The following MYO3B variants were observed in gnomAD, a reference collection of about 807,000 sequenced individuals.
The protein encoded by MYO3B is myosin IIIB.
In MYO3B, 156 loss-of-function variants were observed where a neutral mutation model predicts 174.6. The ratio of observed to expected loss-of-function variants is 0.89; its 90% confidence interval spans 0.78 to 1.02. The LOEUF (loss-of-function observed/expected upper bound fraction) is 1.02, where lower values mean the gene tolerates loss of function less well. MYO3B is among the 50% of genes least tolerant of loss of function. The probability of loss-of-function intolerance (pLI) is 0.00; values close to 1 mark genes in which losing one functional copy is unlikely to be tolerated. For synonymous variants in MYO3B, 563 were observed against 569.1 expected (o/e 0.99, Z 0.15); for missense variants, 1,632 against 1,639.4 (o/e 1.00, Z 0.08).
intron 7 of MYO3B, among the ~76,000 whole-genome samples, chr2:170,321,875 G>A (rs1252306232): frequency 6.6e-6 from 1 of 152,096 alleles, no homozygotes; most frequent in Non-Finnish European, 1.5e-5. Context: ...CAGCACTCTG[G>A]GAGGCCGAGG....
intron 8 of MYO3B, among the ~76,000 whole-genome samples, chr2:170,357,282 G>A (rs2094128824): frequency 1.3e-5 from 2 of 148,190 alleles, no homozygotes; most frequent in African/African-American, 2.5e-5. Context: ...CTCCAGCCTG[G>A]GCAACAGAGA....
intron 7 of MYO3B, among the ~76,000 whole-genome samples, chr2:170,262,560 G>A (rs2093353176): frequency 6.6e-6 from 1 of 152,184 alleles, no homozygotes; most frequent in African/African-American, 2.4e-5. Flanking sequence ...GCAGAGGATG[G>A]GACAATGAAG....
At chr2:170,229,738 C>A (rs912186279) in intron 6 of MYO3B, among the ~76,000 whole-genome samples, 6 of 152,134 alleles carry the variant, frequency 3.9e-5, no homozygotes, top group Admixed American at 2.6e-4. Flanking sequence ...CATATATTGA[C>A]TGTTTTTATC....
In MYO3B at chr2:170,477,782, G is replaced by A. The variant is rs115795757; in HGVS notation, c.3014+11071G>A. On this transcript the variant is annotated intron_variant, in intron 25 of 34. Coordinates refer to ENST00000408978, the MANE Select transcript of MYO3B (RefSeq NM_138995.5). ...GATGTTGTCAAATGTCTCCTGAGGGGGAGGCGGGGAATTACCCAAGATGAG... is the reference window on the plus strand; with the variant it reads ...GATGTTGTCAAATGTCTCCTGAGGGAGAGGCGGGGAATTACCCAAGATGAG... Among the ~76,000 whole-genome samples, 1,171 of 151,508 alleles carry A rather than the reference G, an allele frequency of 7.7e-3. 12 individuals are homozygous for A. The highest frequency in any genetic ancestry group is 0.026 in the African/African-American group (1,061 of 41,228).
chr2:170,223,559 T>C (rs1055333894), intron 6 of MYO3B, among the ~76,000 whole-genome samples: 5 of 152,214 alleles, frequency 3.3e-5, no homozygotes, highest in Non-Finnish European at 2.9e-5. Context: ...TTGTGACTTA[T>C]TCAACTAAGG....
chr2:170,285,981 G>A (rs2093553574), intron 7 of MYO3B, among the ~76,000 whole-genome samples: 1 of 152,064 alleles, frequency 6.6e-6, no homozygotes, highest in African/African-American at 2.4e-5. Flanking sequence ...GATTTATCAT[G>A]TCATGTCTAC....
intron 32 of MYO3B, among the ~76,000 whole-genome samples, chr2:170,626,413 T>C (rs1441868329): frequency 2.0e-5 from 3 of 152,172 alleles, no homozygotes; most frequent in Non-Finnish European, 4.4e-5. Context: ...GGTAGATCTG[T>C]CTCCATCCCT....
intron 34 of MYO3B, 46 bp downstream of exon 34, chr2:170,652,200 G>T (rs747437635): frequency 1.9e-6 from 3 of 1,561,116 alleles, no homozygotes; most frequent in Admixed American, 3.7e-5. Flanking sequence ...AACAGAAGGG[G>T]TCCTTTGTGA....
At chr2:170,361,788 G>T (rs1424852369) in intron 8 of MYO3B, among the ~76,000 whole-genome samples, 1 of 152,118 alleles carries the variant, frequency 6.6e-6, no homozygotes, top group East Asian at 1.9e-4. Flanking sequence ...CTCCCAGACT[G>T]ATTCTGCCTT....
chr2:170,350,566 A>AGG (rs2105596868), intron 8 of MYO3B: 1 of 152,356 alleles, frequency 6.6e-6, no homozygotes, highest in African/African-American at 2.4e-5. Context: ...AGGCTGCCTT[A>AGG]GGGAACTATG....
chr2:170,303,496 T>C (rs912977835), intron 7 of MYO3B, among the ~76,000 whole-genome samples: 3 of 152,162 alleles, frequency 2.0e-5, no homozygotes, highest in Non-Finnish European at 2.9e-5. Flanking sequence ...TTGTTTGAAG[T>C]TCAGGGGTAC....
intron 7 of MYO3B, among the ~76,000 whole-genome samples, chr2:170,305,265 AC>A (rs2093693444): frequency 6.6e-6 from 1 of 152,062 alleles, no homozygotes; most frequent in Non-Finnish European, 1.5e-5. Flanking sequence ...CTACACTAAA[AC>A]GTTACATACA....
rs536201641 is a variant in MYO3B, at chr2:170,289,313, G to A, written c.750-46072G>A. Among the ~76,000 whole-genome samples the A allele has an allele frequency of 1.1e-4, 17 of 152,172 alleles. No individual in the cohort carries two copies. The Middle Eastern group carries it at 0.017, about 152-fold the overall frequency. ...TTACTGGTTATTCTTTAAATGTTTGGTAGAATTTATCAGTGAAACCATCAG... is the reference window on the plus strand; with the variant it reads ...TTACTGGTTATTCTTTAAATGTTTGATAGAATTTATCAGTGAAACCATCAG... On this transcript the variant is annotated intron_variant, in intron 7 of 34. Coordinates refer to ENST00000408978, the MANE Select transcript of MYO3B (RefSeq NM_138995.5).
intron 32 of MYO3B, among the ~76,000 whole-genome samples, chr2:170,613,741 T>C (rs1575249452): frequency 1.3e-5 from 2 of 152,102 alleles, no homozygotes; most frequent in Admixed American, 1.3e-4. Flanking sequence ...GTGGCTAGAA[T>C]ATAAAGCAGG....
chr2:170,624,241 T>A (rs535464167), intron 32 of MYO3B, among the ~76,000 whole-genome samples: 1 of 152,360 alleles, frequency 6.6e-6, no homozygotes, highest in South Asian at 2.1e-4. Flanking sequence ...TGTCCTCTTT[T>A]ATTTCGTAGA....
chr2:170,301,043 A>G (rs1358993336), intron 7 of MYO3B, among the ~76,000 whole-genome samples: 1 of 152,202 alleles, frequency 6.6e-6, no homozygotes, highest in African/African-American at 2.4e-5. Context: ...TTGCCTGTTG[A>G]GAAGGCATCC....
chr2:170,556,525 A>G (rs1177510800), intron 32 of MYO3B, among the ~76,000 whole-genome samples: 1 of 141,568 alleles, frequency 7.1e-6, no homozygotes, highest in Non-Finnish European at 1.5e-5. Context: ...TTGGATTTTT[A>G]CTTTTTTTTT....
chr2:170,410,522 G>GGTGA (rs1558974498), intron 22 of MYO3B, among the ~76,000 whole-genome samples: 2 of 150,726 alleles, frequency 1.3e-5, no homozygotes, highest in African/African-American at 4.9e-5. Flanking sequence ...TGGAGGTTGC[G>GGTGA]GTGAGCCAAG....
rs531750482 is a variant in MYO3B, at chr2:170,222,280, G to C, written c.603+4885G>C. 3.3e-5 allele frequency among the ~76,000 whole-genome samples: 5 copies of C among 152,194 alleles called. No homozygotes were observed. The South Asian group carries it at 1.0e-3, about 32-fold the overall frequency. ...CACTCATGGTGCAACCAAACAGCGA[G>C]AAGTTAAAGTGGGTTTTCCTCCTCT... is the stretch of plus-strand genomic sequence containing the variant. On this transcript the variant is annotated intron_variant, in intron 6 of 34. Coordinates refer to ENST00000408978, the MANE Select transcript of MYO3B (RefSeq NM_138995.5).
Sources: gnomAD v4.1 joint callset for allele counts (sites outside exome capture counted in the v4.1 genomes callset) on GRCh38, gnomAD v4.1.1 for gene constraint, MANE v1.5 for transcripts, NCBI Gene and HGNC (gene_info 2026-07-23, HGNC 2026-07-21) for gene names.